Variants in MMP20 observed in about 807,000 individuals in gnomAD.
The protein encoded by MMP20 is matrix metalloproteinase-20.
In MMP20, 50 loss-of-function variants were observed where a neutral mutation model predicts 51.8. The observed-to-expected ratio is 0.97, with a 90% confidence interval of 0.77 to 1.22. The LOEUF is 1.22. MMP20 is among the 50% of genes most tolerant of loss of function. The probability of loss-of-function intolerance (pLI) is 0.00; values close to 1 mark genes in which losing one functional copy is unlikely to be tolerated. For missense variants in MMP20, 663 were observed against 601.4 expected, an observed-to-expected ratio of 1.10 and a Z score of -1.07; for synonymous variants, 244 against 216.2, an observed-to-expected ratio of 1.13 and a Z score of -1.13.
intron 1 of MMP20, 38 bp downstream of exon 1, chr11:102,625,156 C>G (rs1460412063): frequency 6.2e-7 from 1 of 1,612,178 alleles, no homozygotes; most frequent in South Asian, 1.1e-5. Flanking sequence ...TTTTCTAGGG[C>G]AGAGGAGCAA....
chr11:102,609,297 TG>T (rs1377293149), intron 4 of MMP20, among the ~76,000 whole-genome samples, 199 bp from the exon 5 acceptor site: 2 of 152,024 alleles, frequency 1.3e-5, no homozygotes, highest in African/African-American at 4.8e-5. Flanking sequence ...AGAAGGGGGT[TG>T]GGGGTGGGGG....
At chr11:102,619,511 G>T (rs1205516358) in intron 1 of MMP20, among the ~76,000 whole-genome samples, 2 of 152,068 alleles carry the variant, frequency 1.3e-5, no homozygotes, top group African/African-American at 4.8e-5. Context: ...GATGAGGCCA[G>T]TGGTGGGTTA....
intron 2 of MMP20, among the ~76,000 whole-genome samples, chr11:102,615,722 A>C (rs542800751): frequency 2.0e-4 from 30 of 152,076 alleles, no homozygotes; most frequent in Non-Finnish European, 3.7e-4. Flanking sequence ...TGTGGTGGGA[A>C]TGCTGCCCAT....
chr11:102,591,316 A>G (rs1299662482), intron 8 of MMP20, among the ~76,000 whole-genome samples: 1 of 152,240 alleles, frequency 6.6e-6, no homozygotes, highest in Non-Finnish European at 1.5e-5. Flanking sequence ...AAAAGCAGCA[A>G]TTTCAGTCCA....
chr11:102,583,762 C>G (rs1322213426), intron 8 of MMP20, among the ~76,000 whole-genome samples: 1 of 152,176 alleles, frequency 6.6e-6, no homozygotes, highest in East Asian at 1.9e-4. Flanking sequence ...AAACCTTATG[C>G]CTTTTCACTG....
rs1404805392 is a variant in MMP20 at position 102,601,412 on chromosome 11, G to A, written c.953+5123C>T. ...CTCCCAAAGTGCTGGGATTACAGGCGTGAGCCACCGCGCCCGGCCTCGGCT... is the reference window on the plus strand; with the variant it reads ...CTCCCAAAGTGCTGGGATTACAGGCATGAGCCACCGCGCCCGGCCTCGGCT... On this transcript the variant is annotated intron_variant, in intron 6 of 9. Transcript: ENST00000260228. Among the ~76,000 whole-genome samples the A allele has an allele frequency of 1.1e-4, 4 of 37,328 alleles. 1 individual carries two copies. Among genetic ancestry groups the A allele is most frequent in the Non-Finnish European group, 3.0e-4 (4 of 13,164 alleles). 24.5% of individuals were successfully genotyped at this position (37,328 alleles called of 152,430 possible). A position where few individuals can be genotyped will look rare whatever the true frequency, so the allele number is the denominator to read the frequency against.
At chr11:102,584,985 C>T (rs1210182005) in intron 8 of MMP20, among the ~76,000 whole-genome samples, 2 of 152,114 alleles carry the variant, frequency 1.3e-5, no homozygotes, top group Admixed American at 6.5e-5. Context: ...ACATGTATGG[C>T]TATCCTTATG....
intron 1 of MMP20, among the ~76,000 whole-genome samples, chr11:102,621,765 A>C (rs2135949718): frequency 6.6e-6 from 1 of 152,364 alleles, no homozygotes; most frequent in East Asian, 1.9e-4. Context: ...TTATGAAAAT[A>C]GTATAAAACC....
intron 3 of MMP20, among the ~76,000 whole-genome samples, chr11:102,610,910 T>C (rs1467785738): frequency 6.6e-6 from 1 of 152,156 alleles, no homozygotes; most frequent in Non-Finnish European, 1.5e-5. Context: ...GGACAGACTG[T>C]AAGCTTGAAA....
intron 6 of MMP20, among the ~76,000 whole-genome samples, chr11:102,596,746 C>T (rs943440214): frequency 2.0e-5 from 3 of 152,194 alleles, no homozygotes; most frequent in Non-Finnish European, 2.9e-5. Context: ...GTCACATGTC[C>T]GATCTCACCT....
Position 102,577,357 on chromosome 11 carries a change from A to G in MMP20, c.1421T>C (p.Val474Ala), listed in dbSNP as rs781583103. The change falls in exon 10 of 10, where the codon GTG (valine) becomes GCG (alanine). Residue 474 changes from valine to alanine, a missense_variant. Physicochemically the swap from Val to Ala is moderately conservative, Grantham distance 64. Transcript: ENST00000260228. ...YDTEKEDVVS[V>A]VKSSSWIGC is the part of the protein sequence containing the mutation. Reference sequence around the variant, plus strand: ...ACCAATCCAGGAACTAGATTTCACCACACTAACCACATCTTCCTTCTCTGT... The same window carrying G: ...ACCAATCCAGGAACTAGATTTCACCGCACTAACCACATCTTCCTTCTCTGT... The G allele has an allele frequency of 3.1e-6, 5 of 1,613,962 alleles. No individual in the cohort carries two copies. Among genetic ancestry groups the G allele is most frequent in the Non-Finnish European group, 4.2e-6 (5 of 1,179,846 alleles).
At chr11:102,601,708 C>T (rs1859448167) in intron 6 of MMP20, among the ~76,000 whole-genome samples, 3 of 152,140 alleles carry the variant, frequency 2.0e-5, no homozygotes, top group Admixed American at 2.0e-4. Context: ...ATACATCTAA[C>T]CCTGTTTTAC....
intron 1 of MMP20, among the ~76,000 whole-genome samples, chr11:102,618,504 C>T (rs995137271): frequency 6.6e-6 from 1 of 151,454 alleles, no homozygotes; most frequent in Non-Finnish European, 1.5e-5. Context: ...TATATATTAT[C>T]CTATATTTAT....
chr11:102,581,282 T>G (rs1024489642), intron 8 of MMP20, among the ~76,000 whole-genome samples: 2 of 152,044 alleles, frequency 1.3e-5, no homozygotes, highest in Non-Finnish European at 2.9e-5. Context: ...TAACTCTGAC[T>G]TGTCAGTGTA....
At chr11:102,609,155 C>G (rs1859560737) in intron 4 of MMP20, 57 bp from the exon 5 acceptor site, 1 of 1,469,640 alleles carries the variant, frequency 6.8e-7, no homozygotes, top group African/African-American at 1.4e-5. Flanking sequence ...TTTTCTCCAT[C>G]TTCCATCTTT....
rs185874642 is a variant in MMP20 at position 102,621,879 on chromosome 11, A to G, written c.126+3315T>C. The stretch of plus-strand genomic sequence containing the variant: ...CATAGAAAATAAAATGGTAGTAAAA[A>G]CACCTGAATTAACAGTGTGTATTTT... On this transcript the variant is annotated intron_variant, in intron 1 of 9. Transcript: ENST00000260228. Among the ~76,000 whole-genome samples the G allele has an allele frequency of 4.1e-3, 624 of 152,320 alleles. 2 individuals carry two copies. The highest frequency in any genetic ancestry group is 6.1e-3 in the Admixed American group (94 of 15,296).
At chr11:102,608,282 A>T (rs1218168515) in intron 5 of MMP20, among the ~76,000 whole-genome samples, 1 of 152,200 alleles carries the variant, frequency 6.6e-6, no homozygotes, top group Non-Finnish European at 1.5e-5. Flanking sequence ...ATTCCTTCTG[A>T]TGGATTAATT....
At chr11:102,592,581 A>T (rs1296841188) in intron 8 of MMP20, among the ~76,000 whole-genome samples, 1 of 152,268 alleles carries the variant, frequency 6.6e-6, no homozygotes, top group Non-Finnish European at 1.5e-5. Context: ...TAGAAAATAA[A>T]ATGAAAGCTC....
chr11:102,606,304 A>G (rs1859514609), intron 6 of MMP20, among the ~76,000 whole-genome samples: 1 of 152,218 alleles, frequency 6.6e-6, no homozygotes, highest in South Asian at 2.1e-4. Flanking sequence ...AATATTGTCC[A>G]TATATGGACA....
Sources: allele counts gnomAD v4.1 joint callset (sites outside exome capture counted in the v4.1 genomes callset), GRCh38; gene constraint gnomAD v4.1.1; transcripts MANE v1.5; gene names NCBI Gene and HGNC (gene_info 2026-07-23, HGNC 2026-07-21).